Variants in ATRNL1 observed in about 807,000 individuals in gnomAD.
ATRNL1 encodes attractin like 1.
Under a neutral mutation model 182.7 loss-of-function variants are expected in ATRNL1, and 95 were observed. The ratio of observed to expected loss-of-function variants is 0.52; its 90% CI spans 0.44 to 0.62. The LOEUF is 0.62. Ranked by LOEUF, ATRNL1 falls within the 20% of genes least tolerant of loss-of-function variation. The pLI, the probability that ATRNL1 is intolerant of heterozygous loss-of-function variation, is 0.00. For synonymous variants in ATRNL1, 576 were observed against 568.3 expected (o/e 1.01, Z -0.19); for missense variants, 1,471 against 1,679.5 (o/e 0.88, Z 2.17).
intron 26 of ATRNL1, among the ~76,000 whole-genome samples, chr10:115,595,534 T>A (rs1193924615): frequency 6.6e-6 from 1 of 152,160 alleles, no homozygotes; most frequent in Non-Finnish European, 1.5e-5. Context: ...AAGAGCTTAA[T>A]TGTTGTGCAA....
intron 19 of ATRNL1, among the ~76,000 whole-genome samples, chr10:115,336,877 G>A (rs559733951): frequency 1.3e-5 from 2 of 149,792 alleles, no homozygotes; most frequent in African/African-American, 2.5e-5. Context: ...ACAGAGTCTC[G>A]CTGTGTTGCC....
intron 28 of ATRNL1, among the ~76,000 whole-genome samples, chr10:115,856,376 C>T (rs532065068): frequency 3.0e-5 from 4 of 131,748 alleles, no homozygotes; most frequent in Admixed American, 9.0e-5. Flanking sequence ...TGCAGTAAAC[C>T]GAGATCGTGC....
intron 13 of ATRNL1, among the ~76,000 whole-genome samples, chr10:115,279,075 G>A (rs549522523): frequency 5.9e-5 from 9 of 151,820 alleles, no homozygotes; most frequent in East Asian, 5.8e-4. Flanking sequence ...GGTGGTGGGC[G>A]CCTGTATTCC....
At chr10:115,386,688 A>G (rs1554952727) in intron 19 of ATRNL1, among the ~76,000 whole-genome samples, 1 of 151,640 alleles carries the variant, frequency 6.6e-6, no homozygotes, top group Non-Finnish European at 1.5e-5. Flanking sequence ...TTATACTTTA[A>G]GTTTTAGGAT....
At chr10:115,841,251 G>A (rs1198289712) in intron 27 of ATRNL1, among the ~76,000 whole-genome samples, 1 of 152,002 alleles carries the variant, frequency 6.6e-6, no homozygotes, top group Non-Finnish European at 1.5e-5. Flanking sequence ...GGAAAAATAG[G>A]TGATAAAACT....
Position 115,727,399 on chromosome 10 carries a change from T to C in ATRNL1, c.3903+44T>C, listed in dbSNP as rs782633772. 5 of 1,425,882 alleles carry C rather than the reference T, an allele frequency of 3.5e-6. No individual in the cohort carries two copies. The East Asian group carries it at 1.1e-4, about 33-fold the overall frequency. The allele number at this position is 1,425,882 out of a possible 1,614,324, so 88.3% of individuals were successfully genotyped here. On this transcript the variant is annotated intron_variant, in intron 27 of 28. Coordinates refer to ENST00000355044, the MANE Select transcript of ATRNL1 (RefSeq NM_207303.4). ...AAAGAGGACCACTGTGCTTTGCATA[T>C]TTATTATATTGCTTCTCTAATCTAC...
At chr10:115,710,553 G>C (rs978641320) in intron 26 of ATRNL1, among the ~76,000 whole-genome samples, 3 of 152,108 alleles carry the variant, frequency 2.0e-5, no homozygotes, top group Non-Finnish European at 4.4e-5. Flanking sequence ...ATCCATTCTT[G>C]ATTTGCTTTG....
At chr10:115,355,580 T>G (rs2134138308) in intron 19 of ATRNL1, among the ~76,000 whole-genome samples, 1 of 152,234 alleles carries the variant, frequency 6.6e-6, no homozygotes, top group South Asian at 2.1e-4. Flanking sequence ...ATCCAATTAT[T>G]TGTAAAACAA....
At chr10:115,479,272 A>T (rs1437413147) in intron 24 of ATRNL1, among the ~76,000 whole-genome samples, 1 of 151,612 alleles carries the variant, frequency 6.6e-6, no homozygotes, top group African/African-American at 2.4e-5. Flanking sequence ...GTAGTACCAT[A>T]GTCTTATATC....
chr10:115,484,442 TAAATA>T (rs1385455961), intron 24 of ATRNL1, among the ~76,000 whole-genome samples: 1 of 151,406 alleles, frequency 6.6e-6, no homozygotes, highest in African/African-American at 2.4e-5. Context: ...TAATTTATCT[TAAATA>T]AATTAAATAG....
intron 10 of ATRNL1, among the ~76,000 whole-genome samples, chr10:115,247,811 A>G (rs936300954): frequency 1.3e-5 from 2 of 152,212 alleles, no homozygotes; most frequent in Admixed American, 6.5e-5. Context: ...AAAATGTGGT[A>G]TATATACATG....
At chr10:115,139,246 G>A (rs1395898038) in intron 5 of ATRNL1, among the ~76,000 whole-genome samples, 1 of 152,106 alleles carries the variant, frequency 6.6e-6, no homozygotes, top group African/African-American at 2.4e-5. Flanking sequence ...CTTTCAAAGC[G>A]TTTCAACCTC....
At chr10:115,602,370 T>A (rs1007640825) in intron 26 of ATRNL1, among the ~76,000 whole-genome samples, 3 of 152,004 alleles carry the variant, frequency 2.0e-5, no homozygotes, top group Admixed American at 6.6e-5. Flanking sequence ...GTAAATAAAG[T>A]AAAAGGAAAA....
At chr10:115,140,691 A>G (rs532001728) in intron 5 of ATRNL1, among the ~76,000 whole-genome samples, 74 of 152,208 alleles carry the variant, frequency 4.9e-4, no homozygotes, top group African/African-American at 1.7e-3. Context: ...GGACATTTTT[A>G]TGTTTTTAGT....
intron 26 of ATRNL1, among the ~76,000 whole-genome samples, chr10:115,723,320 T>C (rs1947490154): frequency 6.6e-6 from 1 of 152,126 alleles, no homozygotes; most frequent in Admixed American, 6.6e-5. Flanking sequence ...TGCTTTGTTT[T>C]TTATGTATGT....
intron 28 of ATRNL1, among the ~76,000 whole-genome samples, chr10:115,917,508 T>C (rs1278605372): frequency 6.7e-6 from 1 of 148,514 alleles, no homozygotes; most frequent in Non-Finnish European, 1.5e-5. Context: ...GGGGCCATGA[T>C]ATTCACCTTT....
rs1554994927 is a variant in ATRNL1, at chr10:115,549,542, A to G, written c.3795+6A>G. 6.4e-7 allele frequency: 1 copy of G among 1,570,372 alleles called. No homozygotes were observed. The highest frequency in any genetic ancestry group is 8.7e-7 in the Non-Finnish European group (1 of 1,154,486). Reference sequence around the variant, plus strand: ...GGGCTTCTCGACGGAGAGAGGTATCAGTAATATTATTTAATCTTTTGTTTA... The same window carrying G: ...GGGCTTCTCGACGGAGAGAGGTATCGGTAATATTATTTAATCTTTTGTTTA... On this transcript the variant is annotated splice_donor_region_variant and intron_variant, in intron 26 of 28. Transcript: ENST00000355044.
chr10:115,777,806 C>A (rs929252810), intron 27 of ATRNL1, among the ~76,000 whole-genome samples: 3 of 151,618 alleles, frequency 2.0e-5, no homozygotes, highest in Admixed American at 6.6e-5. Context: ...AGGAACAATG[C>A]GTGAGTTAAA....
intron 25 of ATRNL1, among the ~76,000 whole-genome samples, chr10:115,523,929 C>T (rs1851082302): frequency 6.6e-6 from 1 of 152,140 alleles, no homozygotes; most frequent in African/African-American, 2.4e-5. Flanking sequence ...CTGAGTAATA[C>T]ATAAAGGAAA....
Sources: allele counts gnomAD v4.1 joint callset (sites outside exome capture counted in the v4.1 genomes callset), GRCh38; gene constraint gnomAD v4.1.1; transcripts MANE v1.5; gene names NCBI Gene and HGNC (gene_info 2026-07-23, HGNC 2026-07-21).